The following COL5A3 variants were observed in gnomAD, a reference collection of about 807,000 sequenced individuals.
COL5A3 encodes collagen alpha-3(V) chain.
COL5A3 carries 172 observed loss-of-function variants against 250.0 expected under a neutral mutation model. The observed-to-expected ratio is 0.69, with a 90% CI of 0.61 to 0.78. The LOEUF (loss-of-function observed/expected upper bound fraction) is 0.78, where lower values mean the gene tolerates loss of function less well. COL5A3 is among the 30% of genes least tolerant of loss of function. The pLI, the probability that COL5A3 is intolerant of heterozygous loss-of-function variation, is 0.00. For synonymous variants in COL5A3, 937 were observed against 900.4 expected (o/e 1.04, Z -0.73); for missense variants, 2,340 against 2,334.4 (o/e 1.00, Z -0.05).
chr19:9,995,885 C>A, intron 15 of COL5A3, 181 bp downstream of exon 15: 2 of 664,052 alleles, frequency 3.0e-6, no homozygotes, highest in Non-Finnish European at 5.0e-6. Flanking sequence ...CTCAAGCAAT[C>A]CTCCCACCTC....
In COL5A3 at chr19:9,989,360, G is replaced by C; in HGVS notation, c.2053C>G (p.Pro685Ala). ...LPGSDGPLGH[P>A]GHEGPTGEKG... ...TCTCCCGTGGGGCCCTCATGTCCTG[G>C]GTGACCCTGGGGAAGAAACATTCTC... The change falls in exon 26 of 67, where the codon CCA becomes GCA. Residue 685 changes from proline to alanine, a missense_variant. By Grantham distance (27) the Pro-to-Ala change is conservative (BLOSUM62 -1). Transcript: ENST00000264828. The C allele has an allele frequency of 6.2e-7, 1 of 1,614,124 alleles. No individual in the cohort carries two copies. The highest frequency in any genetic ancestry group is 8.5e-7 in the Non-Finnish European group (1 of 1,180,008).
intron 24 of COL5A3, among the ~76,000 whole-genome samples, chr19:9,990,054 CCTGGCAGACACACTTCTGT>C (rs1312750130): frequency 3.7e-5 from 2 of 53,344 alleles, no homozygotes; most frequent in Non-Finnish European, 6.8e-5. Context: ...GCCCGCCTTC[CCTGGCAGACACACTTCTGT>C]GTGATAATTT....
At chr19:9,964,854 TAAAAAAAAAAAAAAAAAAAAAAAA>T (rs57037583) in intron 64 of COL5A3, among the ~76,000 whole-genome samples, 26 of 48,970 alleles carry the variant, frequency 5.3e-4, no homozygotes, top group African/African-American at 1.1e-3. Context: ...CCATCTCTAC[TAAAAAAAAAAAAAAAAAAAAAAAA>T]AAAAAAAAAA....
In COL5A3 at chr19:9,977,899, C is replaced by T. The variant is rs376658052; in HGVS notation, c.3019-198G>A. On this transcript the variant is annotated intron_variant, in intron 41 of 66. Coordinates refer to ENST00000264828, the MANE Select transcript of COL5A3 (RefSeq NM_015719.4). ...TCTCCTGCTCAAGAACACTCCATGGCTCCCATCTCACTTAGAACAAAAGCC... is the reference window on the plus strand; with the variant it reads ...TCTCCTGCTCAAGAACACTCCATGGTTCCCATCTCACTTAGAACAAAAGCC... 2.7e-5 allele frequency among the ~76,000 whole-genome samples: 4 copies of T among 149,534 alleles called. 1 individual carries two copies.
chr19:9,967,588 G>A, intron 61 of COL5A3, 188 bp from the exon 62 acceptor site: 1 of 587,492 alleles, frequency 1.7e-6, no homozygotes, highest in Non-Finnish European at 2.9e-6. Flanking sequence ...GCAGTTTTCA[G>A]CATTAGGCAT....
chr19:9,976,272 T>G (rs114291492), intron 45 of COL5A3, among the ~76,000 whole-genome samples: 1,891 of 151,902 alleles, frequency 0.012, 42 homozygotes, highest in African/African-American at 0.043. Context: ...AATTTGGGAT[T>G]GGGTTCATAC....
intron 45 of COL5A3, among the ~76,000 whole-genome samples, chr19:9,975,432 TG>T (rs2086905940): frequency 6.6e-6 from 1 of 152,060 alleles, no homozygotes; most frequent in African/African-American, 2.4e-5. Flanking sequence ...GAGTTGAGAC[TG>T]GGGCTGAAGT....
At position 9,986,567 on chromosome 19, in the gene COL5A3, GC is replaced by G; in HGVS notation, c.2229del (p.Leu744SerfsTer71). The G allele has an allele frequency of 6.2e-7, 1 of 1,613,780 alleles. No individual in the cohort carries two copies. Among genetic ancestry groups the G allele is most frequent in the Non-Finnish European group, 8.5e-7 (1 of 1,179,974 alleles). ...GCTGGTCTTACCTGATCACCTTTGAGCCCCACATCGCCCTTGAAGCCTGGGA... is the reference window on the plus strand; with the variant it reads ...GCTGGTCTTACCTGATCACCTTTGAGCCCACATCGCCCTTGAAGCCTGGGA... ...DGFPGFKGDV[G>X]LKGDQGKPGA... On this transcript the variant is annotated frameshift_variant, in exon 29 of 67. Coordinates refer to ENST00000264828, the MANE Select transcript of COL5A3 (RefSeq NM_015719.4). LOFTEE classifies it high-confidence loss of function.
In COL5A3 at chr19:9,985,778, C is replaced by A. The variant is rs1568420241; in HGVS notation, c.2406+64G>T. The stretch of plus-strand genomic sequence containing the variant: ...CATCCCCCAAGACCACAGCCTGGAC[C>A]CCCAGATGTTAGTCTCTGAATCCTG... On this transcript the variant is annotated intron_variant, in intron 31 of 66. Transcript: ENST00000264828. 3 of 1,449,474 alleles carry A rather than the reference C, an allele frequency of 2.1e-6. No homozygotes were observed. In the South Asian group the frequency reaches 3.5e-5, roughly 17 times the overall value. 89.8% of individuals were successfully genotyped at this position (1,449,474 alleles called of 1,614,324 possible).
intron 56 of COL5A3, 26 bp from the exon 57 acceptor site, chr19:9,969,428 G>A (rs1003896362): frequency 6.2e-7 from 1 of 1,604,898 alleles, no homozygotes; most frequent in African/African-American, 1.3e-5. Flanking sequence ...AACATGGGGT[G>A]GGCTGCACCC....
chr19:9,974,054 A>G (rs914777451), intron 47 of COL5A3, 82 bp from the exon 48 acceptor site: 4 of 1,517,686 alleles, frequency 2.6e-6, no homozygotes. Context: ...ACCACTGTCA[A>G]TGCTGGTGAC....
intron 31 of COL5A3, among the ~76,000 whole-genome samples, chr19:9,984,130 TCTC>T (rs1307909209): frequency 6.6e-5 from 10 of 151,852 alleles, no homozygotes; most frequent in African/African-American, 1.7e-4. Context: ...CTCAAGCAAT[TCTC>T]CTGCCTCAGC....
intron 31 of COL5A3, among the ~76,000 whole-genome samples, chr19:9,982,442 C>G (rs1279652422): frequency 6.6e-6 from 1 of 152,214 alleles, no homozygotes; most frequent in East Asian, 1.9e-4. Flanking sequence ...TACCACCATC[C>G]TGGCTTCCAC....
chr19:9,992,917 CTG>C lies in COL5A3; in HGVS notation c.1795-39_1795-38del, dbSNP rs1289291509. 5 of 1,610,822 alleles carry C rather than the reference CTG, an allele frequency of 3.1e-6. No individual in the cohort carries two copies. The Admixed American group carries it at 8.4e-5, about 27-fold the overall frequency. On this transcript the variant is annotated intron_variant, in intron 20 of 66. Coordinates refer to ENST00000264828, the MANE Select transcript of COL5A3 (RefSeq NM_015719.4). ...CAGGCGAATTATTTCCACATCACCT[CTG>C]TGTGGCCATGTGAGCTCTAGGGGTC...
chr19:9,977,420 A>C lies in COL5A3; in HGVS notation c.3179T>G (p.Leu1060Arg). The change falls in exon 43 of 67, where the codon CTG (leucine) becomes CGG (arginine). Residue 1060 changes from leucine to arginine, a missense_variant. Physicochemically the swap from Leu to Arg is moderately radical, Grantham distance 102 (BLOSUM62 -2). This residue lies in a region of COL5A3 where 1,179 missense variants were observed against 1,162.6 expected (regional missense o/e 1.01). Coordinates refer to ENST00000264828, the MANE Select transcript of COL5A3 (RefSeq NM_015719.4). The part of the protein sequence containing the change: ...PTGKDGIPGP[L>R]GPLGPPGAAG... ...AGCTCCAGGGGGTCCCAGAGGCCCCAGGGGCCCTGGGATCCCATCTTTGCC... is the reference window on the plus strand; with the variant it reads ...AGCTCCAGGGGGTCCCAGAGGCCCCCGGGGCCCTGGGATCCCATCTTTGCC... 1 of 1,531,206 alleles carries C rather than the reference A, an allele frequency of 6.5e-7. No homozygotes were observed. Among genetic ancestry groups the C allele is most frequent in the Non-Finnish European group, 8.8e-7 (1 of 1,141,086 alleles). 94.9% of individuals were successfully genotyped at this position (1,531,206 alleles called of 1,614,324 possible).
chr19:9,979,767 CAGAGTGAGACTCTGTCTCAAAA>C, intron 37 of COL5A3, 50 bp downstream of exon 37: 1 of 1,399,432 alleles, frequency 7.1e-7, no homozygotes, highest in East Asian at 2.3e-5. Flanking sequence ...GCCCAGGTGA[CAGAGTGAGACTCTGTCTCAAAA>C]AGAAAAAAAA....
Position 10,003,698 on chromosome 19 carries a change from G to A in COL5A3, c.716C>T (p.Pro239Leu), listed in dbSNP as rs747340747. 6.2e-7 allele frequency: 1 copy of A among 1,613,980 alleles called. No homozygotes were observed. Among genetic ancestry groups the A allele is most frequent in the Non-Finnish European group, 8.5e-7 (1 of 1,180,032 alleles). The change falls in exon 6 of 67, where the codon CCA becomes CTA. Residue 239 changes from proline (P) to leucine (L), a missense_variant. By Grantham distance (98) the Pro-to-Leu change is moderately conservative (BLOSUM62 -3). Transcript: ENST00000264828. ...CTTCCGCCGAGGACGAGGGGTTTCT[G>A]GTTCACCCTGGGGAGCCTGGGAGAA... Reference protein sequence around the residue: ...PAATVAPQGEPETPRPRRKGK... With the variant: ...PAATVAPQGELETPRPRRKGK...
intron 1 of COL5A3, 57 bp downstream of exon 1, chr19:10,010,241 T>A: frequency 2.3e-6 from 2 of 888,144 alleles, no homozygotes; most frequent in Non-Finnish European, 3.0e-6. Flanking sequence ...CCCCTCGCTC[T>A]TTTAGAGCCT....
chr19:9,973,995 C>G (rs1236689796), intron 47 of COL5A3, 23 bp from the exon 48 acceptor site: 3 of 1,527,972 alleles, frequency 2.0e-6, no homozygotes, highest in Non-Finnish European at 2.6e-6. Flanking sequence ...AGAATTAGTA[C>G]CCAGTGACCC....
Sources: allele counts gnomAD v4.1 joint callset (sites outside exome capture counted in the v4.1 genomes callset), GRCh38; gene constraint gnomAD v4.1.1; regional missense constraint gnomAD v4.1.1; transcripts MANE v1.5; gene names NCBI Gene and HGNC (gene_info 2026-07-23, HGNC 2026-07-21).